Variants in DGKK observed in about 807,000 individuals in gnomAD.
The protein encoded by DGKK is 142 kDa diacylglycerol kinase.
Under a neutral mutation model 92.2 loss-of-function variants are expected in DGKK, and 35 were observed. That is an observed-to-expected ratio of 0.38 (90% CI 0.29 to 0.50). DGKK has a LOEUF of 0.50. Ranked by LOEUF, DGKK falls within the 20% of genes least tolerant of loss-of-function variation. The pLI is 0.92. For synonymous variants in DGKK, 368 were observed against 360.6 expected, an observed-to-expected ratio of 1.02 and a Z score of -0.23; for missense variants, 910 against 992.2, an observed-to-expected ratio of 0.92 and a Z score of 1.11.
chrX:50,443,363 CT>C (rs1203175629), intron 1 of DGKK, among the ~76,000 whole-genome samples: 1 of 111,531 alleles, frequency 9.0e-6, no homozygotes, highest in Non-Finnish European at 1.9e-5. Flanking sequence ...TTTAAATATA[CT>C]GTACTATACT....
intron 1 of DGKK, among the ~76,000 whole-genome samples, chrX:50,445,321 T>C (rs1926273517): frequency 9.0e-6 from 1 of 110,859 alleles, no homozygotes; most frequent in African/African-American, 3.3e-5. Flanking sequence ...TTTGTTGCAA[T>C]TGTGTTTGGC....
intron 1 of DGKK, among the ~76,000 whole-genome samples, chrX:50,431,160 AG>A (rs1482718504): frequency 9.0e-6 from 1 of 110,837 alleles, no homozygotes; most frequent in African/African-American, 3.3e-5. Flanking sequence ...TCTCCTGAGT[AG>A]TCAAGACTAC....
intron 1 of DGKK, among the ~76,000 whole-genome samples, chrX:50,426,760 T>A (rs782033723): frequency 1.8e-5 from 2 of 112,189 alleles, no homozygotes; most frequent in East Asian, 5.6e-4. Flanking sequence ...GAAAAATAAC[T>A]TTTAAAAATT....
intron 15 of DGKK, 65 bp from the exon 16 acceptor site, chrX:50,384,889 A>T: frequency 1.3e-6 from 1 of 785,504 alleles, no homozygotes; most frequent in South Asian, 2.5e-5. Flanking sequence ...GGAAGAAAGG[A>T]GGGAGGGAGG....
chrX:50,458,560 T>A (rs1377521716), intron 1 of DGKK, among the ~76,000 whole-genome samples: 2 of 109,122 alleles, frequency 1.8e-5, no homozygotes, highest in African/African-American at 6.7e-5. Flanking sequence ...GCTTTTGTAG[T>A]TTAAATTGGA....
intron 1 of DGKK, among the ~76,000 whole-genome samples, chrX:50,433,105 T>G (rs1557230458): frequency 8.9e-6 from 1 of 112,084 alleles, no homozygotes. Context: ...CTACTAGCTG[T>G]GCAGCCTTGA....
chrX:50,421,878 A>C (rs1925598384), intron 3 of DGKK, among the ~76,000 whole-genome samples: 1 of 111,734 alleles, frequency 8.9e-6, no homozygotes, highest in African/African-American at 3.3e-5. Flanking sequence ...GGGTAGGAGA[A>C]TTCCTGGGCC....
chrX:50,400,099 T>A (rs1488957873), intron 8 of DGKK, among the ~76,000 whole-genome samples: 1 of 111,935 alleles, frequency 8.9e-6, no homozygotes, highest in Admixed American at 9.5e-5. Flanking sequence ...CGTTTACAGA[T>A]GGGGAAAGCA....
In DGKK at chrX:50,382,507, T is replaced by C. The variant is rs1557224546; in HGVS notation, c.2646A>G (p.Pro882=). 8.3e-7 allele frequency: 1 copy of C among 1,204,498 alleles called. No homozygotes were observed. The highest frequency in any genetic ancestry group is 3.0e-5 in the East Asian group (1 of 33,696). ...TTTCTTTTCCTTACTTGTATTGCCC[T>C]GGGTGTTCATCTCTTCTGGTGTTGA... ...LDFNTRRDEH[P]GQYNSRLKNK... is the part of the protein sequence containing the mutation. The change falls in exon 18 of 28, where the codon CCA becomes CCG. Residue 882 remains proline, a synonymous_variant. Transcript: ENST00000611977.
In DGKK at chrX:50,392,556, C is replaced by A. The variant is rs1328256040; in HGVS notation, c.1596-107G>T. The A allele has an allele frequency of 8.6e-6, 5 of 579,227 alleles. No homozygotes were observed. The East Asian group carries it at 1.7e-4, about 20-fold the overall frequency. 47.7% of individuals were successfully genotyped at this position (579,227 alleles called of 1,213,427 possible). The stretch of plus-strand genomic sequence containing the variant: ...GATTGCTGCTTTGGCACTCTGCTAA[C>A]AGACCACCTGCCTTCTTTCCCTTAG... On this transcript the variant is annotated intron_variant, in intron 9 of 27. Coordinates refer to ENST00000611977, the MANE Select transcript of DGKK (RefSeq NM_001013742.4).
rs782522482 is a variant in DGKK, at chrX:50,370,402, C to G, written c.3736+24G>C. 4 of 1,180,387 alleles carry G rather than the reference C, an allele frequency of 3.4e-6. No individual in the cohort carries two copies. In the East Asian group the frequency reaches 1.2e-4, roughly 36 times the overall value. On this transcript the variant is annotated intron_variant, in intron 27 of 27. Transcript: ENST00000611977. ...GCTGTTGGGGGAAGTCTTCATGACCCCTCTGCCTGTGGGGGAGACTTACCA... is the reference window on the plus strand; with the variant it reads ...GCTGTTGGGGGAAGTCTTCATGACCGCTCTGCCTGTGGGGGAGACTTACCA...
At chrX:50,378,738 A>G (rs782545185) in intron 20 of DGKK, 47 bp from the exon 21 acceptor site, 7 of 1,000,345 alleles carry the variant, frequency 7.0e-6, no homozygotes, top group Non-Finnish European at 9.7e-6. Flanking sequence ...GAGAAATCAC[A>G]CCCTGTCTAT....
rs782638876 is a variant in DGKK at position 50,377,990 on chromosome X, G to A, written c.3111+108C>T. 1.6e-4 allele frequency: 152 copies of A among 955,301 alleles called. 1 individual carries two copies. The African/African-American group carries it at 2.1e-3, about 13-fold the overall frequency. The allele number at this position is 955,301 out of a possible 1,213,427, so 78.7% of individuals were successfully genotyped here. ...CATCTCAAGTGACTCTGATGCCAGGGGCACACAGACCTCCTTTTGAGGAAT... is the reference window on the plus strand; with the variant it reads ...CATCTCAAGTGACTCTGATGCCAGGAGCACACAGACCTCCTTTTGAGGAAT... On this transcript the variant is annotated intron_variant, in intron 22 of 27. Transcript: ENST00000611977.
intron 1 of DGKK, among the ~76,000 whole-genome samples, chrX:50,445,895 G>T (rs782670406): frequency 9.0e-6 from 1 of 111,194 alleles, no homozygotes; most frequent in Admixed American, 9.5e-5. Flanking sequence ...TAATGATATT[G>T]ATTCTTCCCA....
At chrX:50,433,323 C>T (rs1022080464) in intron 1 of DGKK, among the ~76,000 whole-genome samples, 3 of 112,181 alleles carry the variant, frequency 2.7e-5, no homozygotes, top group Non-Finnish European at 5.6e-5. Flanking sequence ...AGGGGCTGTG[C>T]TTACTCAAGT....
intron 4 of DGKK, among the ~76,000 whole-genome samples, chrX:50,414,325 ATAAT>A (rs1463492219): frequency 2.7e-5 from 3 of 111,366 alleles, no homozygotes; most frequent in African/African-American, 9.8e-5. Flanking sequence ...GTATTTTTAA[ATAAT>A]TAAGAGAGTA....
intron 3 of DGKK, among the ~76,000 whole-genome samples, chrX:50,421,583 T>C (rs1557229147): frequency 9.0e-6 from 1 of 111,704 alleles, no homozygotes; most frequent in Non-Finnish European, 1.9e-5. Flanking sequence ...CATTACCCTA[T>C]AGGCTCATCA....
intron 8 of DGKK, among the ~76,000 whole-genome samples, chrX:50,396,539 A>T (rs1924859369): frequency 8.9e-6 from 1 of 112,275 alleles, no homozygotes; most frequent in Non-Finnish European, 1.9e-5. Flanking sequence ...GGTGTAAACT[A>T]GAGTGAGCAT....
At chrX:50,452,378 A>T (rs1347242705) in intron 1 of DGKK, among the ~76,000 whole-genome samples, 7 of 112,373 alleles carry the variant, frequency 6.2e-5, no homozygotes, top group African/African-American at 2.3e-4. Flanking sequence ...TTCTTCTTTC[A>T]TATAATCTAG....
Sources: allele counts gnomAD v4.1 joint callset (sites outside exome capture counted in the v4.1 genomes callset), GRCh38; gene constraint gnomAD v4.1.1; transcripts MANE v1.5; gene names NCBI Gene and HGNC (gene_info 2026-07-23, HGNC 2026-07-21).